Variants in TRPC5 observed in about 807,000 individuals in gnomAD.
TRPC5 encodes the protein transient receptor potential cation channel subfamily C member 5.
Under a neutral mutation model 56.5 loss-of-function variants are expected in TRPC5, and 9 were observed. That is an observed-to-expected ratio of 0.16 (90% confidence interval 0.10 to 0.28). The LOEUF (loss-of-function observed/expected upper bound fraction) is 0.28, where lower values mean the gene tolerates loss of function less well. Ranked by LOEUF, TRPC5 falls within the 10% of genes least tolerant of loss-of-function variation. The probability of loss-of-function intolerance (pLI) is 1.00; values close to 1 mark genes in which losing one functional copy is unlikely to be tolerated. For synonymous variants in TRPC5, 282 were observed against 278.5 expected (o/e 1.01, Z -0.13); for missense variants, 469 against 748.9 (o/e 0.63, Z 4.36).
At position 111,847,371 on chromosome X, in the gene TRPC5, G is replaced by C. The variant is rs771289425; in HGVS notation, c.1443C>G (p.Leu481=). ...AACTTAAAATGTTGGATATTGCGAA[G>C]AGTGCTTCCGCAATCAGAGTCGGGT... ...MWHPTLIAEA[L]FAISNILSSL... Residue 481 remains leucine, a synonymous_variant, in exon 6 of 11, where the codon CTC becomes CTG. Transcript: ENST00000262839. 8.3e-7 allele frequency: 1 copy of C among 1,211,566 alleles called. No homozygotes were observed. The highest frequency in any genetic ancestry group is 1.1e-6 in the Non-Finnish European group (1 of 895,465).
chrX:111,821,568 A>G (rs1185994929), intron 7 of TRPC5, among the ~76,000 whole-genome samples: 1 of 111,880 alleles, frequency 8.9e-6, no homozygotes, highest in Non-Finnish European at 1.9e-5. Flanking sequence ...GAGCCAGGCT[A>G]TGGCACAAGG....
intron 3 of TRPC5, among the ~76,000 whole-genome samples, chrX:111,867,551 GTGTTACATGTACTTCTA>G (rs1923583469): frequency 8.9e-6 from 1 of 111,820 alleles, no homozygotes; most frequent in Non-Finnish European, 1.9e-5. Context: ...AGCCTACCTT[GTGTTACATGTACTTCTA>G]TGTAGAATCA....
intron 3 of TRPC5, among the ~76,000 whole-genome samples, chrX:111,899,409 G>T (rs754519155): frequency 4.5e-5 from 5 of 111,362 alleles, no homozygotes; most frequent in Admixed American, 1.9e-4. Flanking sequence ...TTTTTTTCCA[G>T]TTTTAGGAGA....
intron 3 of TRPC5, among the ~76,000 whole-genome samples, chrX:111,867,395 A>G (rs1026046155): frequency 8.9e-6 from 1 of 112,212 alleles, no homozygotes; most frequent in Admixed American, 9.4e-5. Context: ...ATCAGCAGGC[A>G]CTAGAGTCCT....
At position 111,852,881 on chromosome X, in the gene TRPC5, C is replaced by T. The variant is rs1166205491; in HGVS notation, c.1238-444G>A. 3.6e-5 allele frequency among the ~76,000 whole-genome samples: 4 copies of T among 111,645 alleles called. No homozygotes were observed. In the East Asian group the frequency reaches 1.1e-3, roughly 31 times the overall value. ...AGCAAGCTGATCATGGATCAAATTACCAGATGTTGGGGCTAAAGCTAGGCA... is the reference window on the plus strand; with the variant it reads ...AGCAAGCTGATCATGGATCAAATTATCAGATGTTGGGGCTAAAGCTAGGCA... On this transcript the variant is annotated intron_variant, in intron 4 of 10. Coordinates refer to ENST00000262839, the MANE Select transcript of TRPC5 (RefSeq NM_012471.3).
intron 1 of TRPC5, among the ~76,000 whole-genome samples, chrX:112,067,156 C>T (rs1930603919): frequency 8.9e-6 from 1 of 112,242 alleles, no homozygotes; most frequent in Non-Finnish European, 1.9e-5. Flanking sequence ...AGAGGTGACT[C>T]TTCACCCATT....
At position 112,082,320 on chromosome X, in the gene TRPC5, G is replaced by A. The variant is rs1930990585; in HGVS notation, c.-463C>T. ...GGGAAGAAACTGACACGGGGAAACT[G>A]ACAGGGGTAGCTGACACTGTAGTGT... On this transcript the variant is annotated 5_prime_UTR_variant, in exon 1 of 11. It introduces an in-frame stop codon into an upstream open reading frame of the 5' UTR. Coordinates refer to ENST00000262839, the MANE Select transcript of TRPC5 (RefSeq NM_012471.3). 9.0e-6 allele frequency: 1 copy of A among 110,761 alleles called. No homozygotes were observed. Among genetic ancestry groups the A allele is most frequent in the South Asian group, 4.0e-4 (1 of 2,506 alleles). The allele number at this position is 110,761 out of a possible 1,213,427, so 9.1% of individuals were successfully genotyped here. A position where few individuals can be genotyped will look rare whatever the true frequency, so the allele number is the denominator to read the frequency against.
At chrX:111,966,436 A>T (rs1353122007) in intron 1 of TRPC5, among the ~76,000 whole-genome samples, 94 of 111,896 alleles carry the variant, frequency 8.4e-4, no homozygotes, top group Non-Finnish European at 1.4e-3. Context: ...CTGAAACTAT[A>T]CCAATCAATC....
chrX:112,021,626 G>C (rs1480793986), intron 1 of TRPC5, among the ~76,000 whole-genome samples: 1 of 112,025 alleles, frequency 8.9e-6, no homozygotes, highest in Non-Finnish European at 1.9e-5. Context: ...CCAATACCTT[G>C]CTGTCCCCAC....
intron 1 of TRPC5, among the ~76,000 whole-genome samples, chrX:111,992,611 T>A (rs976658812): frequency 1.7e-4 from 18 of 108,365 alleles, no homozygotes; most frequent in African/African-American, 6.0e-4. Context: ...ATTATTATTA[T>A]TATTATTTTG....
At chrX:112,034,722 T>C (rs1929684293) in intron 1 of TRPC5, among the ~76,000 whole-genome samples, 1 of 110,952 alleles carries the variant, frequency 9.0e-6, no homozygotes, top group South Asian at 3.8e-4. Context: ...CAGTAATTTT[T>C]CCATTTTATC....
intron 3 of TRPC5, chrX:111,902,003 G>A (rs1925371655): frequency 8.7e-7 from 1 of 1,153,969 alleles, no homozygotes; most frequent in Non-Finnish European, 1.1e-6. Context: ...GACTGAAGCA[G>A]ATGCACCTCT....
intron 2 of TRPC5, among the ~76,000 whole-genome samples, chrX:111,940,588 G>T (rs762411567): frequency 9.3e-6 from 1 of 107,577 alleles, no homozygotes; most frequent in African/African-American, 3.4e-5. Context: ...CCACTAGGGA[G>T]GCTGAGGCAG....
intron 7 of TRPC5, among the ~76,000 whole-genome samples, chrX:111,788,602 T>C (rs894345857): frequency 9.0e-6 from 1 of 111,572 alleles, no homozygotes; most frequent in Non-Finnish European, 1.9e-5. Context: ...GATATTCAAT[T>C]AGGAAATGAG....
chrX:111,909,457 A>G (rs772916454), intron 3 of TRPC5, among the ~76,000 whole-genome samples: 1 of 111,474 alleles, frequency 9.0e-6, no homozygotes, highest in African/African-American at 3.2e-5. Flanking sequence ...AAACTTGTGC[A>G]TCTTCAAAAA....
At chrX:111,950,095 T>TG (rs954448200) in intron 2 of TRPC5, among the ~76,000 whole-genome samples, 23 of 111,099 alleles carry the variant, frequency 2.1e-4, no homozygotes, top group Non-Finnish European at 4.0e-4. Flanking sequence ...GAGGCCAAGG[T>TG]GGGCAGATCA....
At chrX:112,038,604 C>T (rs112723780) in intron 1 of TRPC5, among the ~76,000 whole-genome samples, 1,235 of 112,364 alleles carry the variant, frequency 0.011, 11 homozygotes, top group Middle Eastern at 0.018. Flanking sequence ...ATAAAACATT[C>T]AAACTTGGTT....
chrX:111,916,999 G>A (rs1239063248), intron 2 of TRPC5, among the ~76,000 whole-genome samples: 1 of 113,059 alleles, frequency 8.8e-6, no homozygotes, highest in Non-Finnish European at 1.9e-5. Flanking sequence ...TATGTTATCT[G>A]TTGACCACGG....
intron 7 of TRPC5, among the ~76,000 whole-genome samples, chrX:111,806,839 A>G (rs1322239926): frequency 9.0e-6 from 1 of 110,529 alleles, no homozygotes; most frequent in Non-Finnish European, 1.9e-5. Flanking sequence ...TTCACTGGGT[A>G]TACTATTCTA....
Sources: allele counts gnomAD v4.1 joint callset (sites outside exome capture counted in the v4.1 genomes callset), GRCh38; gene constraint gnomAD v4.1.1; transcripts MANE v1.5; gene names NCBI Gene and HGNC (gene_info 2026-07-23, HGNC 2026-07-21).